SHE: variants seen among roughly 807,000 people sequenced by gnomAD.
SHE encodes SH2 domain-containing adapter protein E.
Under a neutral mutation model 49.8 loss-of-function variants are expected in SHE, and 11 were observed. The observed-to-expected ratio is 0.22, with a 90% CI of 0.14 to 0.37. The LOEUF (loss-of-function observed/expected upper bound fraction) is 0.37, where lower values mean the gene tolerates loss of function less well. Among genes scored for constraint, SHE ranks in the 10% least tolerant of loss-of-function variants. SHE has a pLI of 1.00. For missense variants in SHE, 624 were observed against 655.5 expected, an observed-to-expected ratio of 0.95 and a Z score of 0.52; for synonymous variants, 310 against 278.1, an observed-to-expected ratio of 1.11 and a Z score of -1.14.
chr1:154,485,997 C>G lies in SHE; in HGVS notation c.1247G>C (p.Gly416Ala), dbSNP rs367732076. 1.2e-6 allele frequency: 2 copies of G among 1,614,110 alleles called. No individual in the cohort carries two copies. Reference sequence around the variant, plus strand: ...TGACTCACTATTTCGAACCAGGTAACCAGCTTCTTTGCAGGGCTGTAGTCG... The same window carrying G: ...TGACTCACTATTTCGAACCAGGTAAGCAGCTTCTTTGCAGGGCTGTAGTCG... ...ESRLQPCKEA[G>A]YLVRNSESGN... Residue 416 changes from glycine to alanine, a missense_variant, in exon 5 of 6, where the codon GGT becomes GCT. Coordinates refer to ENST00000304760, the MANE Select transcript of SHE (RefSeq NM_001010846.3).
intron 1 of SHE, among the ~76,000 whole-genome samples, chr1:154,473,397 C>T (rs1017866889): frequency 1.3e-5 from 2 of 151,936 alleles, no homozygotes; most frequent in Admixed American, 6.6e-5. Context: ...ATCCCTTTAG[C>T]CCAGGAGTTG....
chr1:154,477,785 G>A (rs1248578414), downstream of SHE, among the ~76,000 whole-genome samples: 1 of 151,788 alleles, frequency 6.6e-6, no homozygotes, highest in Non-Finnish European at 1.5e-5. Context: ...CAGCTACTTG[G>A]GAGGCTGAGG....
downstream of SHE, among the ~76,000 whole-genome samples, chr1:154,477,914 GA>G (rs1424594637): frequency 1.2e-3 from 172 of 141,654 alleles, 1 homozygote; most frequent in African/African-American, 4.2e-3. Flanking sequence ...AAAAAAGAAA[GA>G]AAAGAAAAGA....
intron 2 of SHE, among the ~76,000 whole-genome samples, chr1:154,496,820 AT>A (rs1234190685): frequency 6.6e-6 from 1 of 152,164 alleles, no homozygotes; most frequent in Non-Finnish European, 1.5e-5. Context: ...ATTTCCTCTT[AT>A]CAGTGCAGCT....
At chr1:154,487,843 C>T (rs1692228583) in intron 3 of SHE, among the ~76,000 whole-genome samples, 1 of 140,932 alleles carries the variant, frequency 7.1e-6, no homozygotes, top group African/African-American at 2.6e-5. Context: ...GAGTGAGACC[C>T]TGTCTCAAAA....
rs1428002223 is a variant in SHE at position 154,501,856 on chromosome 1, C to G, written c.171G>C (p.Lys57Asn). 1.3e-6 allele frequency: 2 copies of G among 1,537,794 alleles called. No homozygotes were observed. The highest frequency in any genetic ancestry group is 1.7e-6 in the Non-Finnish European group (2 of 1,148,670). Reference sequence around the variant, plus strand: ...GCAATTTGCCGCCGCCGCCCCCGGGCTTGGCCCGCTCCGACACGGTCTTCA... The same window carrying G: ...GCAATTTGCCGCCGCCGCCCCCGGGGTTGGCCCGCTCCGACACGGTCTTCA... ...LNLKTVSERAKPGGGGGKLRK... is the reference protein window; with the variant it reads ...LNLKTVSERANPGGGGGKLRK... Residue 57 changes from lysine (K) to asparagine (N), a missense_variant, in exon 1 of 6, where the codon AAG becomes AAC. Lys to Asn is a moderately conservative substitution (Grantham distance 94). This residue lies in a region of SHE where 337 missense variants were observed against 306.0 expected (regional missense o/e 1.10). Coordinates refer to ENST00000304760, the MANE Select transcript of SHE (RefSeq NM_001010846.3).
chr1:154,473,297 G>GCCAAAC (rs1691795772), intron 1 of SHE, among the ~76,000 whole-genome samples: 1 of 151,904 alleles, frequency 6.6e-6, no homozygotes, highest in Non-Finnish European at 1.5e-5. Flanking sequence ...ACTGAGCCCA[G>GCCAAAC]CTCTACAAAA....
At chr1:154,498,387 C>G (rs1396471256) in intron 2 of SHE, among the ~76,000 whole-genome samples, 1 of 149,352 alleles carries the variant, frequency 6.7e-6, no homozygotes, top group South Asian at 2.1e-4. Context: ...TGAGCCACTG[C>G]GCCTGGCCTT....
At chr1:154,491,769 T>A (rs1207866774) in intron 2 of SHE, among the ~76,000 whole-genome samples, 1 of 151,368 alleles carries the variant, frequency 6.6e-6, no homozygotes, top group Non-Finnish European at 1.5e-5. Flanking sequence ...GAGGAATACG[T>A]CAAGGGGTTA....
At position 154,489,167 on chromosome 1, in the gene SHE, G is replaced by T; in HGVS notation, c.908C>A (p.Ala303Glu). The stretch of plus-strand genomic sequence containing the variant: ...GTCTGGGGGCCGCGCCTTCCCCTCT[G>T]CCCTGGGCCCCCCTTCTGCAGGCTC... Reference protein sequence around the residue: ...PYEPAEGGPRAEGKARPPDSR... With the variant: ...PYEPAEGGPREEGKARPPDSR... The change falls in exon 3 of 6, where the codon GCA becomes GAA. Residue 303 changes from alanine (A) to glutamate (E), a missense_variant. Around this residue, in one of 4 missense-constraint regions of SHE, gnomAD observed 155 missense variants for 142.0 expected, o/e 1.09. Transcript: ENST00000304760. 3 of 1,614,132 alleles carry T rather than the reference G, an allele frequency of 1.9e-6. No homozygotes were observed. Among genetic ancestry groups the T allele is most frequent in the Non-Finnish European group, 2.5e-6 (3 of 1,180,004 alleles).
At chr1:154,501,293 A>C in intron 1 of SHE, 143 bp downstream of exon 1, 7 of 737,152 alleles carry the variant, frequency 9.5e-6, no homozygotes, top group Admixed American at 2.4e-5. Context: ...TTAAATGGTC[A>C]GGAATTCCCA....
intron 2 of SHE, among the ~76,000 whole-genome samples, chr1:154,490,601 C>T (rs868563301): frequency 6.6e-6 from 1 of 152,014 alleles, no homozygotes; most frequent in African/African-American, 2.4e-5. Context: ...GAGGTGGGAA[C>T]GATAGAGGGC....
chr1:154,484,103 A>G lies in SHE; in HGVS notation c.*46T>C. 2 of 1,588,170 alleles carry G rather than the reference A, an allele frequency of 1.3e-6. No individual in the cohort carries two copies. Among genetic ancestry groups the G allele is most frequent in the South Asian group, 2.3e-5 (2 of 88,798 alleles). The stretch of plus-strand genomic sequence containing the variant: ...CTGAGATGCTGGTTGTGCGCTGATG[A>G]TGCCCTTGAAGGTGCCAGAGGCCCA... On this transcript the variant is annotated 3_prime_UTR_variant, in exon 6 of 6. Transcript: ENST00000304760.
rs1692803770 is a variant in SHE, at chr1:154,502,124, T to C, written c.-98A>G. On this transcript the variant is annotated 5_prime_UTR_variant, in exon 1 of 6. Coordinates refer to ENST00000304760, the MANE Select transcript of SHE (RefSeq NM_001010846.3). ...TCGCCCACGCCCGGCAGGGTGGGGTTCTCACGGCTCGGGGCGCCGAGCGGG... is the reference window on the plus strand; with the variant it reads ...TCGCCCACGCCCGGCAGGGTGGGGTCCTCACGGCTCGGGGCGCCGAGCGGG... 1 of 1,011,534 alleles carries C rather than the reference T, an allele frequency of 9.9e-7. No homozygotes were observed. The allele number at this position is 1,011,534 out of a possible 1,614,324, so 62.7% of individuals were successfully genotyped here.
chr1:154,484,164 G>A lies in SHE; in HGVS notation c.1473C>T (p.His491=), dbSNP rs868748308. The A allele has an allele frequency of 4.3e-6, 7 of 1,613,454 alleles. No individual in the cohort carries two copies. The Middle Eastern group carries it at 5.0e-4, about 115-fold the overall frequency. The change falls in exon 6 of 6, where the codon CAC becomes CAT. Residue 491 remains histidine, a synonymous_variant. Coordinates refer to ENST00000304760, the MANE Select transcript of SHE (RefSeq NM_001010846.3). ...AEHMTLLYPV[H]SKLH is the part of the protein sequence containing the mutation. ...TGGCTGAATCTTAGTGAAGCTTGCT[G>A]TGCACTGGGTAGAGTAAAGTCATGT...
downstream of SHE, among the ~76,000 whole-genome samples, chr1:154,479,005 A>C (rs1303827455): frequency 6.6e-6 from 1 of 152,244 alleles, no homozygotes; most frequent in African/African-American, 2.4e-5. Context: ...ATTTCCAAAT[A>C]GGAGCTTCCA....
chr1:154,480,959 T>C lies in SHE; in HGVS notation c.*3190A>G, dbSNP rs1692003435. The C allele has an allele frequency of 2.0e-6, 2 of 985,304 alleles. No individual in the cohort carries two copies. The highest frequency in any genetic ancestry group is 4.7e-5 in the South Asian group (1 of 21,284). The allele number at this position is 985,304 out of a possible 1,614,324, so 61.0% of individuals were successfully genotyped here. Reference sequence around the variant, plus strand: ...ATCAAGAAGAACACTGACACAGCTCTATGGATGCTAAATTCAAGGCAAATT... The same window carrying C: ...ATCAAGAAGAACACTGACACAGCTCCATGGATGCTAAATTCAAGGCAAATT... On this transcript the variant is annotated 3_prime_UTR_variant, in exon 6 of 6. Transcript: ENST00000304760.
Position 154,483,578 on chromosome 1 carries a change from A to G in SHE, c.*571T>C, listed in dbSNP as rs1001626618. 58 of 985,440 alleles carry G rather than the reference A, an allele frequency of 5.9e-5. No homozygotes were observed. The highest frequency in any genetic ancestry group is 6.7e-5 in the Non-Finnish European group (56 of 830,072). 61.0% of individuals were successfully genotyped at this position (985,440 alleles called of 1,614,324 possible). ...TTAACCTTCCTGAGGGTCACACCAT[A>G]AAAAGAACACCCTACCCCAGAGCTG... is the stretch of plus-strand genomic sequence containing the variant. On this transcript the variant is annotated 3_prime_UTR_variant, in exon 6 of 6. Transcript: ENST00000304760.
chr1:154,477,593 T>C (rs879832386), downstream of SHE, among the ~76,000 whole-genome samples: 4 of 152,110 alleles, frequency 2.6e-5, no homozygotes, highest in Non-Finnish European at 4.4e-5. Flanking sequence ...TTTCATTATC[T>C]CATGCAGAAA....
Sources: allele counts gnomAD v4.1 joint callset (sites outside exome capture counted in the v4.1 genomes callset), GRCh38; gene constraint gnomAD v4.1.1; regional missense constraint gnomAD v4.1.1; transcripts MANE v1.5; gene names NCBI Gene and HGNC (gene_info 2026-07-23, HGNC 2026-07-21).